SLC38A8: variants seen among roughly 807,000 people sequenced by gnomAD.
SLC38A8 encodes the protein amino acid transporter SLC38A8.
Under a neutral mutation model 46.0 loss-of-function variants are expected in SLC38A8, and 65 were observed. That is an observed-to-expected ratio of 1.41 (90% CI 1.16 to 1.74). SLC38A8 has a LOEUF of 1.74. Ranked by LOEUF, SLC38A8 falls within the 40% of genes most tolerant of loss-of-function variation. The pLI is 0.00. For missense variants in SLC38A8, 998 were observed against 567.9 expected (o/e 1.76, Z -7.70); for synonymous variants, 447 against 243.7 (o/e 1.83, Z -7.77).
rs11865628 is a variant in SLC38A8, at chr16:84,031,981, C to T, written c.531-13G>A. On this transcript the variant is annotated splice_polypyrimidine_tract_variant and intron_variant, in intron 4 of 10. Transcript: ENST00000299709. ...AGTGCCTAGGATGCTAACACAGTGA[C>T]CGTGTGAGGGGCTGCGCAGTGGGTG... The T allele has an allele frequency of 5.9e-3, 9,492 of 1,612,082 alleles. 473 individuals carry two copies. In the African/African-American group the frequency reaches 0.11, roughly 19 times the overall value.
intron 9 of SLC38A8, among the ~76,000 whole-genome samples, chr16:84,014,085 G>C (rs922325210): frequency 2.6e-5 from 4 of 151,664 alleles, no homozygotes; most frequent in Admixed American, 6.6e-5. Context: ...GCCCAGAGCT[G>C]AGGGAGGAGA....
At chr16:84,021,804 T>TA (rs780914765) in intron 7 of SLC38A8, among the ~76,000 whole-genome samples, 37 of 152,224 alleles carry the variant, frequency 2.4e-4, no homozygotes, top group Non-Finnish European at 4.8e-4. Context: ...TTTTTACAGT[T>TA]ATGGAGATTG....
chr16:84,017,170 G>A lies in SLC38A8; in HGVS notation c.923C>T (p.Thr308Ile), dbSNP rs1478018875. The change falls in exon 8 of 11, where the codon ACT becomes ATT. Residue 308 changes from threonine to isoleucine, a missense_variant. Thr to Ile is a moderately conservative substitution (Grantham distance 89, BLOSUM62 -1). Coordinates refer to ENST00000299709, the MANE Select transcript of SLC38A8 (RefSeq NM_001080442.3). The stretch of plus-strand genomic sequence containing the variant: ...CAGGAAGAGCACGATGGGGTAGACA[G>A]TTACGATGGAGACAGCAAAAAGGAC... ...ARVLFAVSIV[T>I]VYPIVLFLGR... 3 of 1,614,134 alleles carry A rather than the reference G, an allele frequency of 1.9e-6. No homozygotes were observed. The highest frequency in any genetic ancestry group is 1.3e-5 in the African/African-American group (1 of 75,018).
intron 3 of SLC38A8, among the ~76,000 whole-genome samples, chr16:84,035,831 C>G (rs2151127842): frequency 6.6e-6 from 1 of 152,362 alleles, no homozygotes; most frequent in East Asian, 1.9e-4. Context: ...GCAATCGCAG[C>G]TGGCGATTTT....
At position 84,042,656 on chromosome 16, in the gene SLC38A8, G is replaced by A. The variant is rs1024189507; in HGVS notation, c.-108C>T. ...GCATTTCTTGGGGCCAGAGGGGTGGGAGAAGCAAGATTCGAGCTTGGCCAG... is the reference window on the plus strand; with the variant it reads ...GCATTTCTTGGGGCCAGAGGGGTGGAAGAAGCAAGATTCGAGCTTGGCCAG... On this transcript the variant is annotated 5_prime_UTR_variant, in exon 1 of 11. Transcript: ENST00000299709. 1.3e-5 allele frequency: 2 copies of A among 154,406 alleles called. No individual in the cohort carries two copies. The highest frequency in any genetic ancestry group is 4.8e-5 in the African/African-American group (2 of 41,482). 9.6% of individuals were successfully genotyped at this position (154,406 alleles called of 1,614,324 possible).
chr16:84,023,006 T>C, intron 6 of SLC38A8, 117 bp from the exon 7 acceptor site: 2 of 664,816 alleles, frequency 3.0e-6, no homozygotes, highest in Non-Finnish European at 2.5e-6. Context: ...TCTCTTGAAA[T>C]AGCCTGATCA....
intron 6 of SLC38A8, among the ~76,000 whole-genome samples, chr16:84,028,702 G>A (rs115603349): frequency 0.042 from 815 of 19,336 alleles, 14 homozygotes; most frequent in African/African-American, 0.11. Context: ...CCCCTGCCCC[G>A]CCACCTTCCC....
chr16:84,034,224 C>T (rs941640457), intron 3 of SLC38A8, among the ~76,000 whole-genome samples: 1 of 152,254 alleles, frequency 6.6e-6, no homozygotes, highest in African/African-American at 2.4e-5. Context: ...CAGAAGCTGC[C>T]TGTCCTCTTA....
At position 84,013,866 on chromosome 16, in the gene SLC38A8, A is replaced by G. The variant is rs547563574; in HGVS notation, c.1163-814T>C. Among the ~76,000 whole-genome samples, 189 of 152,236 alleles carry G rather than the reference A, an allele frequency of 1.2e-3. 1 individual carries two copies. The highest frequency in any genetic ancestry group is 7.4e-5 in the Non-Finnish European group (5 of 68,004). On this transcript the variant is annotated intron_variant, in intron 9 of 10. Coordinates refer to ENST00000299709, the MANE Select transcript of SLC38A8 (RefSeq NM_001080442.3). ...ACCACAGGAAATAGCCAGCGCTACA[A>G]CTGGCCACCTGGTCACAGCATCAGA...
intron 2 of SLC38A8, among the ~76,000 whole-genome samples, chr16:84,038,116 G>C (rs1324652322): frequency 6.6e-6 from 1 of 152,046 alleles, no homozygotes; most frequent in Admixed American, 6.6e-5. Context: ...TTTGAGACCA[G>C]CCTGGCCAAC....
intron 7 of SLC38A8, 81 bp from the exon 8 acceptor site, chr16:84,017,368 T>A: frequency 6.6e-7 from 1 of 1,519,296 alleles, no homozygotes; most frequent in South Asian, 1.2e-5. Context: ...AGACAGCGCC[T>A]GGCTTTACCA....
At position 84,022,849 on chromosome 16, in the gene SLC38A8, T is replaced by A; in HGVS notation, c.731A>T (p.Lys244Ile). 1 of 1,611,444 alleles carries A rather than the reference T, an allele frequency of 6.2e-7. No homozygotes were observed. Among genetic ancestry groups the A allele is most frequent in the East Asian group, 2.2e-5 (1 of 44,648 alleles). ...CAGGGCCCAGTGGGAGAGGCTCCGTTTGCGCATGCTGCAGTAGATGGAGAC... is the reference window on the plus strand; with the variant it reads ...CAGGGCCCAGTGGGAGAGGCTCCGTATGCGCATGCTGCAGTAGATGGAGAC... ...AAVSIYCSMRKRSLSHWALVS... is the reference protein window; with the variant it reads ...AAVSIYCSMRIRSLSHWALVS... Residue 244 changes from lysine to isoleucine, a missense_variant, in exon 7 of 11, where the codon AAA becomes ATA. By Grantham distance (102) the Lys-to-Ile change is moderately radical. Coordinates refer to ENST00000299709, the MANE Select transcript of SLC38A8 (RefSeq NM_001080442.3).
At chr16:84,031,733 A>G in intron 5 of SLC38A8, 134 bp downstream of exon 5, 1 of 738,036 alleles carries the variant, frequency 1.4e-6, no homozygotes, top group Admixed American at 2.5e-5. Flanking sequence ...CGCATCAGAG[A>G]CGGAAAGAAC....
rs1250300015 is a variant in SLC38A8 at position 84,009,716 on chromosome 16, G to A, written c.*68C>T. ...GGAAAAGAAATGGCATCGGTCTCCT[G>A]GCTGCATACAGCAGCCACGTAGGGT... is the stretch of plus-strand genomic sequence containing the variant. On this transcript the variant is annotated 3_prime_UTR_variant, in exon 11 of 11. Coordinates refer to ENST00000299709, the MANE Select transcript of SLC38A8 (RefSeq NM_001080442.3). 1.5e-6 allele frequency: 2 copies of A among 1,356,782 alleles called. No homozygotes were observed. Among genetic ancestry groups the A allele is most frequent in the Non-Finnish European group, 2.0e-6 (2 of 975,858 alleles). The allele number at this position is 1,356,782 out of a possible 1,614,324, so 84.0% of individuals were successfully genotyped here.
At chr16:84,015,322 C>T (rs2085012141) in intron 9 of SLC38A8, among the ~76,000 whole-genome samples, 1 of 152,100 alleles carries the variant, frequency 6.6e-6, no homozygotes, top group African/African-American at 2.4e-5. Flanking sequence ...CTGGCTTCCC[C>T]TTCTCAGATA....
intron 10 of SLC38A8, among the ~76,000 whole-genome samples, chr16:84,011,524 G>A (rs2084953360): frequency 6.6e-6 from 1 of 152,202 alleles, no homozygotes; most frequent in Non-Finnish European, 1.5e-5. Flanking sequence ...CCTACAGCTG[G>A]CACCCAAATT....
intron 9 of SLC38A8, 152 bp from the exon 10 acceptor site, chr16:84,013,204 G>A (rs1043822834): frequency 5.4e-6 from 4 of 746,886 alleles, no homozygotes; most frequent in Non-Finnish European, 6.6e-6. Flanking sequence ...GCAACACAGT[G>A]GAGCTGGAAG....
At chr16:84,038,429 C>A (rs1443137698) in intron 2 of SLC38A8, among the ~76,000 whole-genome samples, 3 of 152,204 alleles carry the variant, frequency 2.0e-5, no homozygotes, top group East Asian at 1.9e-4. Flanking sequence ...CTCCTCTACC[C>A]TTCCACCCAT....
chr16:84,028,134 A>T (rs2085188474), intron 6 of SLC38A8, among the ~76,000 whole-genome samples: 1 of 151,996 alleles, frequency 6.6e-6, no homozygotes, highest in Non-Finnish European at 1.5e-5. Context: ...AAGGGAAGAG[A>T]CGAGCTCAAT....
Sources: gnomAD v4.1 joint callset for allele counts (sites outside exome capture counted in the v4.1 genomes callset) on GRCh38, gnomAD v4.1.1 for gene constraint, MANE v1.5 for transcripts, NCBI Gene and HGNC (gene_info 2026-07-23, HGNC 2026-07-21) for gene names.